DISP3: variants seen among roughly 807,000 people sequenced by gnomAD.
DISP3 encodes protein dispatched homolog 3.
DISP3 carries 101 observed loss-of-function variants against 135.3 expected under a neutral mutation model. The observed-to-expected ratio is 0.75, with a 90% CI of 0.64 to 0.88. The LOEUF (loss-of-function observed/expected upper bound fraction) is 0.88. Ranked by LOEUF, DISP3 falls within the 40% of genes least tolerant of loss-of-function variation. The pLI is 0.00. For missense variants in DISP3, 1,713 were observed against 1,878.6 expected, an observed-to-expected ratio of 0.91 and a Z score of 1.63; for synonymous variants, 856 against 817.0, an observed-to-expected ratio of 1.05 and a Z score of -0.81.
At position 11,501,811 on chromosome 1, in the gene DISP3, G is replaced by T; in HGVS notation, c.819G>T (p.Trp273Cys). ...VSANTQTHAH[W>C]RIELIFLARG... is the part of the protein sequence containing the mutation. ...CCAACACTCAGACGCACGCGCACTGGCGCATCGAGCTCATCTTCCTGGCGC... is the reference window on the plus strand; with the variant it reads ...CCAACACTCAGACGCACGCGCACTGTCGCATCGAGCTCATCTTCCTGGCGC... Residue 273 changes from tryptophan to cysteine, a missense_variant, in exon 2 of 21, where the codon TGG becomes TGT. Trp to Cys is a radical substitution (Grantham distance 215). Around this residue, in one of 2 missense-constraint regions of DISP3, gnomAD observed 571 missense variants for 494.1 expected, o/e 1.16. Transcript: ENST00000294484. This position sits in a 1 kb window ranked among gnomAD's most constrained non-coding sequence, Gnocchi z 4.9. 1.2e-6 allele frequency: 2 copies of T among 1,608,776 alleles called. No homozygotes were observed. Among genetic ancestry groups the T allele is most frequent in the Non-Finnish European group, 8.5e-7 (1 of 1,177,326 alleles).
At chr1:11,515,250 T>G in intron 4 of DISP3, 119 bp from the exon 5 acceptor site, 1 of 1,376,032 alleles carries the variant, frequency 7.3e-7, no homozygotes, top group Admixed American at 2.2e-5. Flanking sequence ...AACAGAGTGG[T>G]GAATGGTGAC....
At chr1:11,533,253 C>CT (rs70983563) in intron 17 of DISP3, among the ~76,000 whole-genome samples, 2,122 of 103,976 alleles carry the variant, frequency 0.02, 30 homozygotes, top group Non-Finnish European at 0.025. Flanking sequence ...GTGACTGTTT[C>CT]TTTTTTTTTT....
chr1:11,489,042 GC>G (rs1406695529), intron 1 of DISP3, among the ~76,000 whole-genome samples: 1 of 152,208 alleles, frequency 6.6e-6, no homozygotes, highest in Non-Finnish European at 1.5e-5. Flanking sequence ...TCCTCACTGT[GC>G]CCCTTTCATC....
chr1:11,496,581 T>C lies in DISP3; in HGVS notation c.-3-4409T>C, dbSNP rs542382892. Reference sequence around the variant, plus strand: ...TTCCTTTCCACGGAGCAGCTGGAGCTCCTTGCTAAGCTAATCAATTCCCAT... The same window carrying C: ...TTCCTTTCCACGGAGCAGCTGGAGCCCCTTGCTAAGCTAATCAATTCCCAT... On this transcript the variant is annotated intron_variant, in intron 1 of 20. Transcript: ENST00000294484. Among the ~76,000 whole-genome samples, 4 of 152,302 alleles carry C rather than the reference T, an allele frequency of 2.6e-5. No homozygotes were observed. The East Asian group carries it at 7.7e-4, about 29-fold the overall frequency.
intron 1 of DISP3, among the ~76,000 whole-genome samples, chr1:11,487,958 T>C (rs1246851213): frequency 6.6e-6 from 1 of 152,150 alleles, no homozygotes; most frequent in Admixed American, 6.5e-5. Flanking sequence ...TGGCCCTCTA[T>C]CATGGAATAG....
At position 11,501,599 on chromosome 1, in the gene DISP3, C is replaced by T. The variant is rs1433431146; in HGVS notation, c.607C>T (p.Leu203Phe). 1 of 1,601,390 alleles carries T rather than the reference C, an allele frequency of 6.2e-7. No individual in the cohort carries two copies. The highest frequency in any genetic ancestry group is 1.3e-5 in the African/African-American group (1 of 74,678). ...QKPTANRSGR[L>F]RRETPPLEDL... ...GCCCACAGCCAATCGGAGCGGGCGA[C>T]TTCGGCGTGAGACCCCGCCCCTGGA... is the stretch of plus-strand genomic sequence containing the variant. The change falls in exon 2 of 21, where the codon CTT (leucine) becomes TTT (phenylalanine). Residue 203 changes from leucine (L) to phenylalanine (F), a missense_variant. Transcript: ENST00000294484. This position sits in a 1 kb window ranked among gnomAD's most constrained non-coding sequence, Gnocchi z 4.9.
At chr1:11,513,543 TGCTTTTTAA>T (rs58585386) in intron 3 of DISP3, among the ~76,000 whole-genome samples, 23,147 of 152,050 alleles carry the variant, frequency 0.15, 2,837 homozygotes, top group African/African-American at 0.34. Context: ...TTTCTCAGGC[TGCTTTTTAA>T]GATTTTCTTT....
chr1:11,519,987 G>T lies in DISP3; in HGVS notation c.2200+107G>T. On this transcript the variant is annotated intron_variant, in intron 9 of 20. Transcript: ENST00000294484. This position sits in a 1 kb window ranked among gnomAD's most constrained non-coding sequence, Gnocchi z 4.3. ...GCAGATGCCCCAGGGTCAGAGGCCT[G>T]GGCTGGGGTCTCTCCCTCTCTGACC... 8.7e-7 allele frequency: 1 copy of T among 1,152,232 alleles called. No homozygotes were observed. Among genetic ancestry groups the T allele is most frequent in the Non-Finnish European group, 1.2e-6 (1 of 823,778 alleles). 71.4% of individuals were successfully genotyped at this position (1,152,232 alleles called of 1,614,324 possible). A position where few individuals can be genotyped will look rare whatever the true frequency, so the allele number is the denominator to read the frequency against.
chr1:11,490,486 A>G (rs1641153963), intron 1 of DISP3, among the ~76,000 whole-genome samples: 1 of 152,096 alleles, frequency 6.6e-6, no homozygotes, highest in East Asian at 1.9e-4. Context: ...CCAGGCTGAT[A>G]TCAAACTCCT....
chr1:11,526,625 C>T (rs1642427387), intron 12 of DISP3, 26 bp from the exon 13 acceptor site: 5 of 1,600,804 alleles, frequency 3.1e-6, no homozygotes, highest in Non-Finnish European at 3.4e-6. Flanking sequence ...AGTCATGTGT[C>T]TTGTCTCTGT....
chr1:11,480,901 G>T (rs1205126329), intron 1 of DISP3, among the ~76,000 whole-genome samples: 1 of 144,798 alleles, frequency 6.9e-6, no homozygotes, highest in Admixed American at 6.8e-5. Flanking sequence ...TTCAGCCCAG[G>T]GTCCATTTTG....
intron 15 of DISP3, among the ~76,000 whole-genome samples, chr1:11,530,295 T>C (rs1642543375): frequency 6.6e-6 from 1 of 152,194 alleles, no homozygotes; most frequent in African/African-American, 2.4e-5. Flanking sequence ...TGGCTTTCTC[T>C]CTGAGGCCTC....
In DISP3 at chr1:11,529,201, G is replaced by T. The variant is rs1032670363; in HGVS notation, c.2799-355G>T. 6.6e-6 allele frequency among the ~76,000 whole-genome samples: 1 copy of T among 152,148 alleles called. No individual in the cohort carries two copies. The highest frequency in any genetic ancestry group is 1.5e-5 in the Non-Finnish European group (1 of 68,002). On this transcript the variant is annotated intron_variant, in intron 13 of 20. Transcript: ENST00000294484. The surrounding 1 kb of genome is among the most constrained non-coding windows in gnomAD (Gnocchi z 4.7). ...GGGCTTCTGAGCGAGGACCACTAGGGTTGGCCCTGGGGGTCCCTCCTGAAC... is the reference window on the plus strand; with the variant it reads ...GGGCTTCTGAGCGAGGACCACTAGGTTTGGCCCTGGGGGTCCCTCCTGAAC...
intron 1 of DISP3, among the ~76,000 whole-genome samples, chr1:11,488,057 G>A (rs942740240): frequency 1.1e-4 from 17 of 152,172 alleles, no homozygotes; most frequent in African/African-American, 4.1e-4. Flanking sequence ...GAGCAGGGTG[G>A]GGGTGTGAGG....
In DISP3 at chr1:11,501,698, A is replaced by G. The variant is rs1641531026; in HGVS notation, c.706A>G (p.Ile236Val). 2 of 1,601,992 alleles carry G rather than the reference A, an allele frequency of 1.2e-6. No homozygotes were observed. The highest frequency in any genetic ancestry group is 1.1e-5 in the South Asian group (1 of 89,766). Residue 236 changes from isoleucine to valine, a missense_variant, in exon 2 of 21, where the codon ATC becomes GTC. Transcript: ENST00000294484. This position sits in a 1 kb window ranked among gnomAD's most constrained non-coding sequence, Gnocchi z 4.9. ...LSKNGRYQPSIPPHAAVAANQ... is the reference protein window; with the variant it reads ...LSKNGRYQPSVPPHAAVAANQ... ...CAAGAATGGGCGGTACCAGCCCAGC[A>G]TCCCGCCCCACGCGGCAGTCGCGGC...
intron 1 of DISP3, among the ~76,000 whole-genome samples, chr1:11,480,065 C>G (rs1303123591): frequency 6.6e-6 from 1 of 152,108 alleles, no homozygotes; most frequent in Non-Finnish European, 1.5e-5. Flanking sequence ...CAAGGGGCGC[C>G]AAGTCCCGGG....
At chr1:11,525,661 G>A (rs984279224) in intron 12 of DISP3, among the ~76,000 whole-genome samples, 3 of 152,238 alleles carry the variant, frequency 2.0e-5, no homozygotes, top group East Asian at 1.9e-4. Context: ...GGCCTGTGCC[G>A]TGCAGAACGC....
Position 11,519,338 on chromosome 1 carries a change from C to G in DISP3, c.1890-17C>G, listed in dbSNP as rs887722025. ...CAGGACCCTCTGGTTCACCCCTGTCCCCTACTCTCTCCACAGCTGCCACCA... is the reference window on the plus strand; with the variant it reads ...CAGGACCCTCTGGTTCACCCCTGTCGCCTACTCTCTCCACAGCTGCCACCA... On this transcript the variant is annotated splice_polypyrimidine_tract_variant and intron_variant, in intron 7 of 20. Transcript: ENST00000294484. The surrounding 1 kb of genome is among the most constrained non-coding windows in gnomAD (Gnocchi z 4.3). 4 of 1,612,808 alleles carry G rather than the reference C, an allele frequency of 2.5e-6. No homozygotes were observed. Among genetic ancestry groups the G allele is most frequent in the Non-Finnish European group, 2.5e-6 (3 of 1,179,482 alleles).
intron 3 of DISP3, among the ~76,000 whole-genome samples, chr1:11,511,655 G>A (rs1452579231): frequency 6.6e-6 from 1 of 152,142 alleles, no homozygotes; most frequent in Non-Finnish European, 1.5e-5. Flanking sequence ...GGCACATGGT[G>A]CAAGCTGTCA....
Sources: allele counts gnomAD v4.1 joint callset (sites outside exome capture counted in the v4.1 genomes callset), GRCh38; gene constraint gnomAD v4.1.1; regional missense constraint gnomAD v4.1.1; non-coding constraint Gnocchi (gnomAD v3.1); transcripts MANE v1.5; gene names NCBI Gene and HGNC (gene_info 2026-07-23, HGNC 2026-07-21).